ARID3B: variants seen among roughly 807,000 people sequenced by gnomAD.
ARID3B encodes the protein AT-rich interaction domain 3B.
A neutral mutation model predicts 51.9 loss-of-function variants in ARID3B; 10 were observed. That is an observed-to-expected ratio of 0.19 (90% confidence interval 0.12 to 0.33). The LOEUF (loss-of-function observed/expected upper bound fraction) is 0.33. ARID3B is among the 10% of genes least tolerant of loss of function. ARID3B has a pLI of 1.00. For missense variants in ARID3B, 483 were observed against 716.3 expected, an observed-to-expected ratio of 0.67 and a Z score of 3.72; for synonymous variants, 205 against 279.5, an observed-to-expected ratio of 0.73 and a Z score of 2.66.
At chr15:74,572,268 C>G (rs1027661746) in intron 2 of ARID3B, among the ~76,000 whole-genome samples, 1 of 152,222 alleles carries the variant, frequency 6.6e-6, no homozygotes, top group Non-Finnish European at 1.5e-5. Flanking sequence ...AAAATGAACT[C>G]TCGCCCTAGT....
chr15:74,587,578 C>T (rs1321613371), intron 4 of ARID3B, among the ~76,000 whole-genome samples: 1 of 152,170 alleles, frequency 6.6e-6, no homozygotes, highest in East Asian at 1.9e-4. Flanking sequence ...GAAATGTGAG[C>T]TTAGGAGCCC....
rs189780723 is a variant in ARID3B, at chr15:74,575,192, G to T, written c.697+1988G>T. On this transcript the variant is annotated intron_variant, in intron 4 of 8. Coordinates refer to ENST00000346246, the MANE Select transcript of ARID3B (RefSeq NM_006465.4). ...GAGCTGATCCTGTCTCAAAGGGGCT[G>T]CCATAGCAATATAGATTTTAATCAG... 4.3e-3 allele frequency among the ~76,000 whole-genome samples: 660 copies of T among 152,158 alleles called. 2 individuals are homozygous for T. The highest frequency in any genetic ancestry group is 4.3e-3 in the Non-Finnish European group (295 of 68,008).
At chr15:74,578,254 A>G (rs2061745596) in intron 4 of ARID3B, among the ~76,000 whole-genome samples, 1 of 149,470 alleles carries the variant, frequency 6.7e-6, no homozygotes, top group African/African-American at 2.5e-5. Context: ...GCTCACTGCA[A>G]CCTCCACCTC....
At chr15:74,543,797 T>C in intron 1 of ARID3B, 63 bp from the exon 2 acceptor site, 2 of 1,160,060 alleles carry the variant, frequency 1.7e-6, no homozygotes, top group East Asian at 4.7e-5. Context: ...GAAACCTTTT[T>C]ATACCTGCTT....
rs142628617 is a variant in ARID3B, at chr15:74,594,184, C to A, written c.1519+948C>A. On this transcript the variant is annotated intron_variant, in intron 8 of 8. Transcript: ENST00000346246. Reference sequence around the variant, plus strand: ...CACAGCATTGCTGGGCGCGGTGGCTCACGCCTGTAATCCCAGCATTTTGGG... The same window carrying A: ...CACAGCATTGCTGGGCGCGGTGGCTAACGCCTGTAATCCCAGCATTTTGGG... 6.9e-3 allele frequency among the ~76,000 whole-genome samples: 1,058 copies of A among 152,306 alleles called. 9 individuals are homozygous for A. Among genetic ancestry groups the A allele is most frequent in the South Asian group, 0.026 (127 of 4,826 alleles).
intron 4 of ARID3B, among the ~76,000 whole-genome samples, chr15:74,582,769 A>G (rs1357478406): frequency 6.6e-6 from 1 of 152,206 alleles, no homozygotes; most frequent in East Asian, 1.9e-4. Flanking sequence ...ACTGAAAGAT[A>G]CAGGTAAGCA....
chr15:74,559,144 C>G (rs535519451), intron 2 of ARID3B, among the ~76,000 whole-genome samples: 1 of 152,190 alleles, frequency 6.6e-6, no homozygotes, highest in East Asian at 1.9e-4. Context: ...TTGATTCAGT[C>G]TCCAGCTCTC....
At chr15:74,565,267 G>A (rs1238214059) in intron 2 of ARID3B, among the ~76,000 whole-genome samples, 1 of 151,886 alleles carries the variant, frequency 6.6e-6, no homozygotes, top group Non-Finnish European at 1.5e-5. Flanking sequence ...TCCTAGGCTG[G>A]TCTCAAACTC....
rs78068927 is a variant in ARID3B, at chr15:74,575,424, G to A, written c.697+2220G>A. ...GTCCCCAGTGCTAGCACAGGGCCAG[G>A]CAGGAAGGTGCTCAGGACATGTTTG... On this transcript the variant is annotated intron_variant, in intron 4 of 8. Coordinates refer to ENST00000346246, the MANE Select transcript of ARID3B (RefSeq NM_006465.4). 4.2e-3 allele frequency among the ~76,000 whole-genome samples: 646 copies of A among 152,322 alleles called. 2 individuals are homozygous for A. The highest frequency in any genetic ancestry group is 0.02 in the Middle Eastern group (6 of 294).
At chr15:74,566,618 GA>G (rs1215504934) in intron 2 of ARID3B, among the ~76,000 whole-genome samples, 1 of 149,604 alleles carries the variant, frequency 6.7e-6, no homozygotes. Context: ...AAAAAAAAAA[GA>G]GACTAAATAA....
Position 74,589,919 on chromosome 15 carries a change from T to C in ARID3B, c.797T>C (p.Ile266Thr). The C allele has an allele frequency of 1.9e-6, 3 of 1,613,962 alleles. No homozygotes were observed. Among genetic ancestry groups the C allele is most frequent in the Non-Finnish European group, 2.5e-6 (3 of 1,179,970 alleles). The change falls in exon 5 of 9, where the codon ATC becomes ACC. Residue 266 changes from isoleucine (I) to threonine (T), a missense_variant. Ile to Thr is a moderately conservative substitution (Grantham distance 89). Transcript: ENST00000346246. ...VTEKGGLVEI[I>T]NKKIWREITK... The stretch of plus-strand genomic sequence containing the variant: ...GAGAAGGGAGGCCTGGTGGAGATCA[T>C]CAACAAGAAGATCTGGAGGGAGATC...
At chr15:74,565,996 T>C (rs1333285275) in intron 2 of ARID3B, among the ~76,000 whole-genome samples, 1 of 152,204 alleles carries the variant, frequency 6.6e-6, no homozygotes, top group Non-Finnish European at 1.5e-5. Flanking sequence ...TCTGTTTGCA[T>C]CAGAACATAC....
chr15:74,583,690 C>A lies in ARID3B; in HGVS notation c.698-6130C>A, dbSNP rs564023941. Among the ~76,000 whole-genome samples the A allele has an allele frequency of 1.6e-4, 24 of 151,348 alleles. No individual in the cohort carries two copies. In the South Asian group the frequency reaches 3.8e-3, roughly 24 times the overall value. ...CAAGATCACACTACTGCACTCCAAC[C>A]TGGGCAACAGAGCGAGACTCTGTCT... On this transcript the variant is annotated intron_variant, in intron 4 of 8. Transcript: ENST00000346246.
intron 2 of ARID3B, among the ~76,000 whole-genome samples, chr15:74,556,798 G>A (rs1185907357): frequency 2.7e-4 from 33 of 122,624 alleles, no homozygotes; most frequent in African/African-American, 1.0e-3. Flanking sequence ...TTTTTGAGAC[G>A]GAGTCTCACT....
chr15:74,567,505 A>G (rs2061703756), intron 2 of ARID3B, among the ~76,000 whole-genome samples: 1 of 151,936 alleles, frequency 6.6e-6, no homozygotes, highest in South Asian at 2.1e-4. Flanking sequence ...TTCTCAGGAA[A>G]TCTGTGTTGA....
At chr15:74,590,188 C>T (rs2061798110) in intron 5 of ARID3B, among the ~76,000 whole-genome samples, 185 bp downstream of exon 5, 1 of 152,224 alleles carries the variant, frequency 6.6e-6, no homozygotes, top group Non-Finnish European at 1.5e-5. Context: ...CACCATTTAC[C>T]AAGTGTCTAC....
intron 2 of ARID3B, among the ~76,000 whole-genome samples, chr15:74,548,017 G>A (rs760585201): frequency 4.6e-5 from 7 of 152,196 alleles, no homozygotes; most frequent in Non-Finnish European, 7.3e-5. Context: ...TGCTTCTCAA[G>A]GCCTGGATTG....
chr15:74,593,456 C>T (rs185419875), intron 8 of ARID3B, among the ~76,000 whole-genome samples: 5 of 152,356 alleles, frequency 3.3e-5, no homozygotes, highest in Admixed American at 1.3e-4. Context: ...AAACCCTTCA[C>T]CTAACCCTTT....
intron 4 of ARID3B, among the ~76,000 whole-genome samples, chr15:74,578,794 T>C (rs937750261): frequency 6.6e-6 from 1 of 152,100 alleles, no homozygotes; most frequent in Non-Finnish European, 1.5e-5. Context: ...CTTTGGAGGC[T>C]GAGGTGGGAG....
Sources: allele counts gnomAD v4.1 joint callset (sites outside exome capture counted in the v4.1 genomes callset), GRCh38; gene constraint gnomAD v4.1.1; transcripts MANE v1.5; gene names NCBI Gene and HGNC (gene_info 2026-07-23, HGNC 2026-07-21).